Variants in PTPN12 observed in about 807,000 individuals in gnomAD.
PTPN12 encodes the protein tyrosine-protein phosphatase non-receptor type 12.
A neutral mutation model predicts 97.6 loss-of-function variants in PTPN12; 29 were observed. The observed-to-expected ratio is 0.30, with a 90% CI of 0.22 to 0.41. The LOEUF (loss-of-function observed/expected upper bound fraction) is 0.41. PTPN12 is among the 10% of genes least tolerant of loss of function. The probability of loss-of-function intolerance (pLI) is 1.00; values close to 1 mark genes in which losing one functional copy is unlikely to be tolerated. For synonymous variants in PTPN12, 327 were observed against 300.4 expected (o/e 1.09, Z -0.91); for missense variants, 819 against 926.0 (o/e 0.88, Z 1.50).
chr7:77,600,846 AG>A, intron 8 of PTPN12, 40 bp downstream of exon 8: 1 of 1,486,654 alleles, frequency 6.7e-7, no homozygotes, highest in Non-Finnish European at 9.1e-7. Flanking sequence ...ACATTATTTA[AG>A]TTTGATGTTA....
intron 2 of PTPN12, among the ~76,000 whole-genome samples, chr7:77,573,821 T>TG (rs1468799808): frequency 6.6e-6 from 1 of 152,156 alleles, no homozygotes; most frequent in African/African-American, 2.4e-5. Flanking sequence ...AGTGCAGTGG[T>TG]GCGATCTCCG....
chr7:77,631,105 C>A (rs1015777744), intron 13 of PTPN12, among the ~76,000 whole-genome samples: 1 of 152,078 alleles, frequency 6.6e-6, no homozygotes, highest in African/African-American at 2.4e-5. Context: ...CTTCCAACAG[C>A]CATCTCTTCA....
At chr7:77,556,498 C>A (rs1438212925) in intron 1 of PTPN12, among the ~76,000 whole-genome samples, 2 of 152,100 alleles carry the variant, frequency 1.3e-5, no homozygotes, top group Non-Finnish European at 1.5e-5. Flanking sequence ...CTGTTAAAAC[C>A]CCAGCAGGTT....
chr7:77,564,755 T>G (rs1433497729), intron 1 of PTPN12, among the ~76,000 whole-genome samples: 1 of 87,518 alleles, frequency 1.1e-5, no homozygotes, highest in African/African-American at 5.1e-5. Flanking sequence ...TGTTTTTTTT[T>G]TTTTTTTTTT....
intron 5 of PTPN12, 40 bp downstream of exon 5, chr7:77,585,621 GATAA>G: frequency 6.6e-7 from 1 of 1,506,088 alleles, no homozygotes. Flanking sequence ...CATTTTTACG[GATAA>G]ATATTCTTAG....
chr7:77,617,430 A>G (rs1030249316), intron 11 of PTPN12, among the ~76,000 whole-genome samples: 2 of 152,184 alleles, frequency 1.3e-5, no homozygotes, highest in Admixed American at 6.5e-5. Flanking sequence ...ATATAAGGAG[A>G]TAGGGTGCAC....
At chr7:77,613,167 G>GTT (rs576216122) in intron 11 of PTPN12, among the ~76,000 whole-genome samples, 922 of 88,504 alleles carry the variant, frequency 0.01, no homozygotes, top group Non-Finnish European at 0.014. Context: ...TAATTTTTGG[G>GTT]TTTTTTTTTT....
At chr7:77,629,534 G>T (rs559334660) in intron 13 of PTPN12, among the ~76,000 whole-genome samples, 11 of 150,626 alleles carry the variant, frequency 7.3e-5, no homozygotes, top group Admixed American at 4.0e-4. Flanking sequence ...TTGTTTTTTT[G>T]TTGTTGTTTT....
In PTPN12 at chr7:77,627,283, C is replaced by T. The variant is rs764021524; in HGVS notation, c.1604C>T (p.Thr535Met). Residue 535 changes from threonine (T) to methionine (M), a missense_variant, in exon 13 of 18, where the codon ACG (threonine) becomes ATG (methionine). Thr to Met is a moderately conservative substitution (Grantham distance 81). This residue lies in a region of PTPN12 where 607 missense variants were observed against 577.3 expected (regional missense o/e 1.05). Transcript: ENST00000248594. ...CCTCTTGATGAGAAAGGACATGTAA[C>T]GTGGTCATTTCATGGACCTGAAAAT... Reference protein sequence around the residue: ...RLPLDEKGHVTWSFHGPENAI... With the variant: ...RLPLDEKGHVMWSFHGPENAI... 116 of 1,614,020 alleles carry T rather than the reference C, an allele frequency of 7.2e-5. No individual in the cohort carries two copies. The highest frequency in any genetic ancestry group is 9.8e-5 in the Non-Finnish European group (116 of 1,180,016).
intron 1 of PTPN12, among the ~76,000 whole-genome samples, chr7:77,539,365 T>A (rs1317908903): frequency 6.6e-6 from 1 of 152,206 alleles, no homozygotes; most frequent in African/African-American, 2.4e-5. Context: ...TTGCTTATAT[T>A]TAAACATTTG....
chr7:77,626,816 T>A lies in PTPN12; in HGVS notation c.1137T>A (p.Thr379=). 1.2e-6 allele frequency: 2 copies of A among 1,614,122 alleles called. 1 individual carries two copies. The highest frequency in any genetic ancestry group is 1.7e-6 in the Non-Finnish European group (2 of 1,179,982). ...SPPSAFPTVT[T]VWQDNDRYHP... ...CTTCAGCTTTTCCAACAGTCACTAC[T>A]GTGTGGCAGGACAATGATAGATACC... The change falls in exon 13 of 18, where the codon ACT becomes ACA. Residue 379 remains threonine, a synonymous_variant. Coordinates refer to ENST00000248594, the MANE Select transcript of PTPN12 (RefSeq NM_002835.4).
chr7:77,600,952 G>A, intron 8 of PTPN12, 146 bp downstream of exon 8: 2 of 651,290 alleles, frequency 3.1e-6, no homozygotes, highest in Admixed American at 3.3e-5. Flanking sequence ...AAGTTGATGT[G>A]GTCTCATTTG....
intron 1 of PTPN12, chr7:77,564,032 G>C (rs923673047): frequency 3.3e-6 from 1 of 301,948 alleles, no homozygotes; most frequent in African/African-American, 2.3e-5. Flanking sequence ...CACACACCAC[G>C]AGGCTTGGCT....
At chr7:77,633,285 A>G (rs890706307) in intron 14 of PTPN12, among the ~76,000 whole-genome samples, 2 of 151,920 alleles carry the variant, frequency 1.3e-5, no homozygotes, top group Admixed American at 6.6e-5. Flanking sequence ...AAAAAATGCA[A>G]TTATAAGTGT....
chr7:77,596,427 A>G (rs915044347), intron 6 of PTPN12, among the ~76,000 whole-genome samples: 1 of 152,056 alleles, frequency 6.6e-6, no homozygotes, highest in Non-Finnish European at 1.5e-5. Context: ...TTGTTTTGAG[A>G]CAGGGTCTCA....
rs184985315 is a variant in PTPN12 at position 77,636,459 on chromosome 7, A to G, written c.2143-559A>G. On this transcript the variant is annotated intron_variant, in intron 15 of 17. Transcript: ENST00000248594. The stretch of plus-strand genomic sequence containing the variant: ...TAGCCAGGCGTGGTGGCGCATGTCT[A>G]TGGTCCCAGCTTTTTGGGAGGCTGA... Among the ~76,000 whole-genome samples, 8 of 152,068 alleles carry G rather than the reference A, an allele frequency of 5.3e-5. No individual in the cohort carries two copies. In the South Asian group the frequency reaches 6.2e-4, roughly 12 times the overall value.
intron 1 of PTPN12, among the ~76,000 whole-genome samples, chr7:77,564,746 G>GTTTTTTTGTTTTTTTTTTTTTTTTTTT (rs1808165507): frequency 1.1e-4 from 5 of 45,368 alleles, no homozygotes; most frequent in Non-Finnish European, 1.9e-4. Context: ...TTGTTGTCGT[G>GTTTTTTTGTTTTTTTTTTTTTTTTTTT]TTTTTTTTTT....
chr7:77,540,049 TTTGCATGC>T (rs1193174665), intron 1 of PTPN12, among the ~76,000 whole-genome samples: 1 of 152,076 alleles, frequency 6.6e-6, no homozygotes, highest in Non-Finnish European at 1.5e-5. Flanking sequence ...TCATTTCTTG[TTTGCATGC>T]TAGTCACCTT....
In PTPN12 at chr7:77,627,216, G is replaced by A; in HGVS notation, c.1537G>A (p.Glu513Lys). The A allele has an allele frequency of 1.2e-6, 2 of 1,614,084 alleles. No individual in the cohort carries two copies. Among genetic ancestry groups the A allele is most frequent in the Non-Finnish European group, 1.7e-6 (2 of 1,179,994 alleles). Residue 513 changes from glutamate to lysine, a missense_variant, in exon 13 of 18, where the codon GAA becomes AAA. By Grantham distance (56) the Glu-to-Lys change is moderately conservative. This residue lies in a region of PTPN12 where 607 missense variants were observed against 577.3 expected (regional missense o/e 1.05). Coordinates refer to ENST00000248594, the MANE Select transcript of PTPN12 (RefSeq NM_002835.4). Reference sequence around the variant, plus strand: ...CAAAGTTTCAGTTACTCCACCAGAAGAATCCCAGAATTCAGACACACCTCC... The same window carrying A: ...CAAAGTTTCAGTTACTCCACCAGAAAAATCCCAGAATTCAGACACACCTCC... ...SNKVSVTPPEESQNSDTPPRP... is the reference protein window; with the variant it reads ...SNKVSVTPPEKSQNSDTPPRP...
Sources: gnomAD v4.1 joint callset for allele counts (sites outside exome capture counted in the v4.1 genomes callset) on GRCh38, gnomAD v4.1.1 for gene constraint, gnomAD v4.1.1 regional missense constraint, MANE v1.5 for transcripts, NCBI Gene and HGNC (gene_info 2026-07-23, HGNC 2026-07-21) for gene names.